The following GK variants were observed in gnomAD, a reference collection of about 807,000 sequenced individuals.
GK encodes the protein glycerol kinase.
A neutral mutation model predicts 56.4 loss-of-function variants in GK; 9 were observed. The observed-to-expected ratio is 0.16, with a 90% CI of 0.10 to 0.28. GK has a LOEUF of 0.28. Ranked by LOEUF, GK falls within the 10% of genes least tolerant of loss-of-function variation. GK has a pLI of 1.00. For synonymous variants in GK, 104 were observed against 144.1 expected, an observed-to-expected ratio of 0.72 and a Z score of 1.99; for missense variants, 161 against 431.4, an observed-to-expected ratio of 0.37 and a Z score of 5.55.
chrX:30,693,052 T>C (rs1273558964), intron 5 of GK, among the ~76,000 whole-genome samples: 2 of 95,496 alleles, frequency 2.1e-5, no homozygotes, highest in Non-Finnish European at 4.2e-5. Context: ...AGTCTCGCTC[T>C]GTCACCCAGG....
At chrX:30,671,587 G>A (rs887489271) in intron 3 of GK, 2 of 111,922 alleles carry the variant, frequency 1.8e-5, no homozygotes, top group Non-Finnish European at 3.8e-5. Context: ...GTCATTAAGA[G>A]TTCTTCATGT....
chrX:30,723,239 C>T (rs1936988686), intron 18 of GK, among the ~76,000 whole-genome samples: 1 of 109,243 alleles, frequency 9.2e-6, no homozygotes, highest in Non-Finnish European at 1.9e-5. Flanking sequence ...ACTAGAAATA[C>T]AAAAAATTAG....
chrX:30,707,714 G>A, intron 12 of GK, 116 bp downstream of exon 12: 1 of 488,856 alleles, frequency 2.0e-6, no homozygotes, highest in Non-Finnish European at 3.5e-6. Context: ...ATCTTTATCA[G>A]GGTTTAATTT....
intron 3 of GK, among the ~76,000 whole-genome samples, chrX:30,671,142 T>A (rs1296194585): frequency 4.6e-5 from 5 of 107,636 alleles, no homozygotes; most frequent in African/African-American, 1.7e-4. Flanking sequence ...ATACAAAAAA[T>A]TAGCTGGGCG....
At position 30,666,920 on chromosome X, in the gene GK, C is replaced by T. The variant is rs1203726986; in HGVS notation, c.153-1092C>T. On this transcript the variant is annotated intron_variant, in intron 2 of 20. Coordinates refer to ENST00000427190, the MANE Select transcript of GK (RefSeq NM_001205019.2). Reference sequence around the variant, plus strand: ...CTGTAATCCCAGCACTTTGGGAGGCCGAGGCAGGCGGATCATGAGGTCAGG... The same window carrying T: ...CTGTAATCCCAGCACTTTGGGAGGCTGAGGCAGGCGGATCATGAGGTCAGG... Among the ~76,000 whole-genome samples, 7 of 111,091 alleles carry T rather than the reference C, an allele frequency of 6.3e-5. No homozygotes were observed. In the East Asian group the frequency reaches 1.1e-3, roughly 18 times the overall value.
At chrX:30,657,921 T>A (rs1460127708) in intron 1 of GK, among the ~76,000 whole-genome samples, 1 of 112,453 alleles carries the variant, frequency 8.9e-6, no homozygotes, top group Non-Finnish European at 1.9e-5. Flanking sequence ...GGTTTTGCAA[T>A]CTATAAAAAA....
chrX:30,657,909 T>C (rs1932416239), intron 1 of GK, among the ~76,000 whole-genome samples: 1 of 112,260 alleles, frequency 8.9e-6, no homozygotes, highest in Admixed American at 9.5e-5. Context: ...TACTTATAAA[T>C]TGGTTTTGCA....
chrX:30,662,855 T>C (rs867586085), intron 1 of GK, among the ~76,000 whole-genome samples: 4 of 49,833 alleles, frequency 8.0e-5, no homozygotes, highest in African/African-American at 3.1e-4. Context: ...CTTTCTTTCT[T>C]TCTTTCTTTC....
At chrX:30,715,569 G>A (rs976350429) in intron 13 of GK, among the ~76,000 whole-genome samples, 5 of 111,759 alleles carry the variant, frequency 4.5e-5, no homozygotes, top group African/African-American at 1.6e-4. Context: ...TACTTAGGGT[G>A]TAATTTATGG....
rs777495898 is a variant in GK at position 30,727,527 on chromosome X, G to A, written c.1644G>A (p.Met548Ile). 2.6e-6 allele frequency: 3 copies of A among 1,172,635 alleles called. No individual in the cohort carries two copies. In the South Asian group the frequency reaches 5.4e-5, roughly 21 times the overall value. Residue 548 changes from methionine to isoleucine, a missense_variant, in exon 20 of 21, where the codon ATG becomes ATA. Transcript: ENST00000427190. ...LGFFIVSSMV[M>I]LIGARYISGI... Reference sequence around the variant, plus strand: ...TTTTTATAGTGAGTAGCATGGTAATGTTAATCGGAGCAAGGTACATCTCAG... The same window carrying A: ...TTTTTATAGTGAGTAGCATGGTAATATTAATCGGAGCAAGGTACATCTCAG...
intron 4 of GK, among the ~76,000 whole-genome samples, chrX:30,682,016 A>G (rs1303917067): frequency 8.9e-6 from 1 of 111,928 alleles, no homozygotes; most frequent in East Asian, 2.8e-4. Flanking sequence ...TTTATAAACA[A>G]CAAAAATTTT....
intron 18 of GK, among the ~76,000 whole-genome samples, chrX:30,722,828 G>A (rs952095672): frequency 1.8e-5 from 2 of 111,311 alleles, no homozygotes; most frequent in Non-Finnish European, 3.8e-5. Flanking sequence ...TTTCTGAAGT[G>A]AGTGATTCTT....
At chrX:30,671,820 T>C (rs1157966595) in intron 3 of GK, 1 of 111,301 alleles carries the variant, frequency 9.0e-6, no homozygotes, top group African/African-American at 3.3e-5. Context: ...AATTACAAAG[T>C]ATAAAGAGTT....
At chrX:30,657,085 G>A (rs779097435) in intron 1 of GK, among the ~76,000 whole-genome samples, 1 of 112,266 alleles carries the variant, frequency 8.9e-6, no homozygotes, top group Admixed American at 9.4e-5. Context: ...TCCTGACGTC[G>A]TGATCCACCC....
chrX:30,727,861 G>A lies in GK; in HGVS notation c.1669+309G>A, dbSNP rs750721172. Among the ~76,000 whole-genome samples, 3 of 111,582 alleles carry A rather than the reference G, an allele frequency of 2.7e-5. No individual in the cohort carries two copies. The South Asian group carries it at 1.1e-3, about 41-fold the overall frequency. On this transcript the variant is annotated intron_variant, in intron 20 of 20. Transcript: ENST00000427190. ...AAATGAAAGGACTTTCAGACTGACT[G>A]CTGAAAGTTAAAGTATACTTTTGAC... is the stretch of plus-strand genomic sequence containing the variant.
rs2147278917 is a variant in GK, at chrX:30,729,068, T to C, written c.*326T>C. On this transcript the variant is annotated 3_prime_UTR_variant, in exon 21 of 21. Transcript: ENST00000427190. ...GTAGGAAGAATTCGGATCCTTACCA[T>C]TGGAATCTTCCATCGAACATACTCA... The C allele has an allele frequency of 3.5e-6, 1 of 283,340 alleles. No homozygotes were observed. Among genetic ancestry groups the C allele is most frequent in the South Asian group, 6.9e-5 (1 of 14,402 alleles). The allele number at this position is 283,340 out of a possible 1,213,427, so 23.4% of individuals were successfully genotyped here.
intron 9 of GK, chrX:30,698,098 C>A: frequency 5.9e-6 from 1 of 168,631 alleles, no homozygotes; most frequent in Non-Finnish European, 1.1e-5. Context: ...TATTGACCAC[C>A]TTTCCAGACC....
At chrX:30,684,440 C>A (rs1365911920) in intron 4 of GK, among the ~76,000 whole-genome samples, 2 of 111,667 alleles carry the variant, frequency 1.8e-5, no homozygotes, top group Non-Finnish European at 3.8e-5. Context: ...CCCAGGTGGG[C>A]GGATCACCTG....
At chrX:30,677,867 G>T (rs974054544) in intron 4 of GK, 2 of 451,938 alleles carry the variant, frequency 4.4e-6, no homozygotes, top group Non-Finnish European at 3.9e-6. Context: ...ATGCAGTCAT[G>T]GTACCTATAA....
Sources: gnomAD v4.1 joint callset for allele counts (sites outside exome capture counted in the v4.1 genomes callset) on GRCh38, gnomAD v4.1.1 for gene constraint, MANE v1.5 for transcripts, NCBI Gene and HGNC (gene_info 2026-07-23, HGNC 2026-07-21) for gene names.